EIF3K: variants seen among roughly 807,000 people sequenced by gnomAD.
EIF3K encodes eIF-3 p28.
EIF3K carries 27 observed loss-of-function variants against 34.2 expected under a neutral mutation model. The ratio of observed to expected loss-of-function variants is 0.79; its 90% CI spans 0.58 to 1.09. The LOEUF is 1.09. EIF3K is among the 50% of genes least tolerant of loss of function. The probability of loss-of-function intolerance (pLI) is 0.00; values close to 1 mark genes in which losing one functional copy is unlikely to be tolerated. For synonymous variants in EIF3K, 105 were observed against 105.7 expected (o/e 0.99, Z 0.04); for missense variants, 232 against 275.4 (o/e 0.84, Z 1.11).
intron 1 of EIF3K, among the ~76,000 whole-genome samples, chr19:38,620,081 C>T (rs958575187): frequency 6.6e-5 from 10 of 152,134 alleles, no homozygotes; most frequent in African/African-American, 2.4e-4. Context: ...CTGACTGGCT[C>T]AGAGGTTGAG....
chr19:38,624,670 G>C (rs1166292007), intron 3 of EIF3K, among the ~76,000 whole-genome samples: 1 of 152,100 alleles, frequency 6.6e-6, no homozygotes, highest in East Asian at 1.9e-4. Context: ...GCTGGGAGAT[G>C]GAGGTTGCAG....
At chr19:38,625,953 G>A (rs1975940346) in intron 3 of EIF3K, 75 bp from the exon 4 acceptor site, 1 of 1,345,890 alleles carries the variant, frequency 7.4e-7, no homozygotes. Flanking sequence ...CCAGAAGAAG[G>A]TAGGTGGGGA....
intron 2 of EIF3K, among the ~76,000 whole-genome samples, chr19:38,623,259 T>C (rs967611661): frequency 5.9e-5 from 9 of 152,262 alleles, no homozygotes; most frequent in African/African-American, 2.2e-4. Context: ...CACGTTCTTC[T>C]GTCATGGCTT....
intron 6 of EIF3K, 122 bp from the exon 7 acceptor site, chr19:38,634,871 G>A (rs1260514437): frequency 7.1e-7 from 1 of 1,410,734 alleles, no homozygotes; most frequent in Non-Finnish European, 9.6e-7. Flanking sequence ...TGCTGTCCAG[G>A]AGATGTCAGT....
Position 38,626,086 on chromosome 19 carries a change from A to G in EIF3K, c.338A>G (p.His113Arg). 2 of 1,614,144 alleles carry G rather than the reference A, an allele frequency of 1.2e-6. No individual in the cohort carries two copies. The highest frequency in any genetic ancestry group is 1.7e-6 in the Non-Finnish European group (2 of 1,180,026). Residue 113 changes from histidine to arginine, a missense_variant, in exon 4 of 8, where the codon CAT (histidine) becomes CGT (arginine). His to Arg is a conservative substitution (Grantham distance 29). Coordinates refer to ENST00000248342, the MANE Select transcript of EIF3K (RefSeq NM_013234.4). ...CTCGGGGACCTGCTGGAGACCTGCC[A>G]TTTCCAGGCCTTCTGGGTAACTTCC... ...LYLGDLLETC[H>R]FQAFWQALDE...
At position 38,635,111 on chromosome 19, in the gene EIF3K, C is replaced by T. The variant is rs924834571; in HGVS notation, c.618C>T (p.Asp206=). ...CCAAGAACATTGTGGAGAAGATTGA[C>T]TTTGACAGTGAGTGGTGACCCACGG... ...IKPKNIVEKI[D]FDSVSSIMAS... Residue 206 remains aspartate (D), a synonymous_variant, in exon 7 of 8, where the codon GAC becomes GAT. Transcript: ENST00000248342. 1.9e-6 allele frequency: 3 copies of T among 1,614,228 alleles called. No homozygotes were observed. Among genetic ancestry groups the T allele is most frequent in the African/African-American group, 2.7e-5 (2 of 75,072 alleles).
At position 38,636,950 on chromosome 19, in the gene EIF3K, T is replaced by C. The variant is rs1976204794; in HGVS notation, c.*30T>C. 6.2e-7 allele frequency: 1 copy of C among 1,613,890 alleles called. No homozygotes were observed. Among genetic ancestry groups the C allele is most frequent in the East Asian group, 2.2e-5 (1 of 44,876 alleles). The stretch of plus-strand genomic sequence containing the variant: ...AGGTGTTTAATAAAGATGTGTTGAC[T>C]CAGCCCTACTGTCTCCTCCCTGGCT... On this transcript the variant is annotated 3_prime_UTR_variant, in exon 8 of 8. Transcript: ENST00000248342.
At chr19:38,635,555 A>C (rs1337783818) in intron 7 of EIF3K, 1 of 230,530 alleles carries the variant, frequency 4.3e-6, no homozygotes, top group East Asian at 8.7e-5. Context: ...TCATCTAAAA[A>C]ATGGGGACGA....
intron 7 of EIF3K, 144 bp from the exon 8 acceptor site, chr19:38,636,745 T>A: frequency 1.1e-6 from 1 of 905,878 alleles, no homozygotes; most frequent in Non-Finnish European, 1.8e-6. Context: ...TTTAAAATAC[T>A]GCACCAAACT....
intron 4 of EIF3K, 114 bp downstream of exon 4, chr19:38,626,216 G>T: frequency 2.1e-6 from 2 of 949,842 alleles, no homozygotes; most frequent in Non-Finnish European, 1.7e-6. Context: ...TGGGCCCAGT[G>T]CTCTGCATGT....
At chr19:38,619,502 C>G (rs1308513166) in intron 1 of EIF3K, among the ~76,000 whole-genome samples, 175 bp downstream of exon 1, 1 of 152,154 alleles carries the variant, frequency 6.6e-6, no homozygotes, top group African/African-American at 2.4e-5. Flanking sequence ...TGGCTCACGC[C>G]TGTGATCCTA....
intron 4 of EIF3K, chr19:38,630,687 TTTG>T (rs1976046253): frequency 6.6e-6 from 1 of 150,746 alleles, no homozygotes; most frequent in Non-Finnish European, 1.5e-5. Flanking sequence ...TTTGTTTTGT[TTTG>T]TTTTGAGACA....
intron 1 of EIF3K, among the ~76,000 whole-genome samples, 157 bp from the exon 2 acceptor site, chr19:38,620,180 T>C (rs1180302233): frequency 6.6e-6 from 1 of 152,120 alleles, no homozygotes; most frequent in Admixed American, 6.6e-5. Context: ...CTAGAGATTA[T>C]ACTGGACATA....
Position 38,626,715 on chromosome 19 carries a change from C to A in EIF3K, c.354+613C>A, listed in dbSNP as rs73552645. Among the ~76,000 whole-genome samples, 767 of 152,324 alleles carry A rather than the reference C, an allele frequency of 5.0e-3. 2 individuals carry two copies. Among genetic ancestry groups the A allele is most frequent in the African/African-American group, 0.018 (742 of 41,566 alleles). ...TTGCTCTAACTGGAACCTGGCCCCC[C>A]ACTTCTGCAGCCCCCTAAGTGGGAG... On this transcript the variant is annotated intron_variant, in intron 4 of 7. Coordinates refer to ENST00000248342, the MANE Select transcript of EIF3K (RefSeq NM_013234.4).
At chr19:38,632,342 G>T (rs901900900) in intron 4 of EIF3K, 88 bp from the exon 5 acceptor site, 1 of 1,303,562 alleles carries the variant, frequency 7.7e-7, no homozygotes, top group African/African-American at 1.5e-5. Flanking sequence ...CCTGGGCAAC[G>T]TAGTGAGACC....
intron 2 of EIF3K, among the ~76,000 whole-genome samples, chr19:38,622,099 CTTT>C (rs761519463): frequency 1.2e-4 from 16 of 135,272 alleles, no homozygotes; most frequent in Admixed American, 3.0e-4. Flanking sequence ...TCTTTCTTTC[CTTT>C]TTTTTTTTTT....
intron 1 of EIF3K, 73 bp downstream of exon 1, chr19:38,619,400 G>C: frequency 6.4e-7 from 1 of 1,559,676 alleles, no homozygotes; most frequent in Non-Finnish European, 8.8e-7. Context: ...ACAGCAAGGG[G>C]TGTTCAGGGT....
chr19:38,622,857 TGAAA>T (rs942790668), intron 2 of EIF3K, among the ~76,000 whole-genome samples: 19 of 152,266 alleles, frequency 1.2e-4, no homozygotes, highest in African/African-American at 4.6e-4. Context: ...CATTTGCTTT[TGAAA>T]GAAGAGAAAT....
intron 1 of EIF3K, among the ~76,000 whole-genome samples, chr19:38,619,845 T>A (rs1404898723): frequency 6.6e-6 from 1 of 152,184 alleles, no homozygotes; most frequent in Admixed American, 6.6e-5. Flanking sequence ...ACGGTCTGAG[T>A]TCCCTTTCCA....
Sources: gnomAD v4.1 joint callset for allele counts (sites outside exome capture counted in the v4.1 genomes callset) on GRCh38, gnomAD v4.1.1 for gene constraint, MANE v1.5 for transcripts, NCBI Gene and HGNC (gene_info 2026-07-23, HGNC 2026-07-21) for gene names.